The following N4BP2 variants were observed in gnomAD, a reference collection of about 807,000 sequenced individuals.
N4BP2 encodes the protein NEDD4-binding protein 2.
N4BP2 carries 91 observed loss-of-function variants against 152.8 expected under a neutral mutation model. The observed-to-expected ratio is 0.60, with a 90% confidence interval of 0.50 to 0.71. The LOEUF is 0.71. N4BP2 is among the 30% of genes least tolerant of loss of function. The pLI is 0.00. For synonymous variants in N4BP2, 646 were observed against 705.3 expected (o/e 0.92, Z 1.33); for missense variants, 1,923 against 2,059.1 (o/e 0.93, Z 1.28).
At chr4:40,130,920 G>A (rs1718850722) in intron 12 of N4BP2, among the ~76,000 whole-genome samples, 2 of 152,182 alleles carry the variant, frequency 1.3e-5, no homozygotes, top group South Asian at 4.1e-4. Flanking sequence ...AATTAAAATA[G>A]CATATTTTTA....
chr4:40,139,549 TGGCGCGATCTC>T (rs1450328185), intron 14 of N4BP2, among the ~76,000 whole-genome samples: 1 of 149,002 alleles, frequency 6.7e-6, no homozygotes, highest in African/African-American at 2.5e-5. Context: ...TGGAGTGCAG[TGGCGCGATCTC>T]GGCTCACTGC....
intron 16 of N4BP2, among the ~76,000 whole-genome samples, chr4:40,145,585 C>T (rs1720439457): frequency 6.6e-6 from 1 of 152,058 alleles, no homozygotes; most frequent in South Asian, 2.1e-4. Context: ...AAAAGAGAAA[C>T]TTTAAGAGCC....
Position 40,121,157 on chromosome 4 carries a change from C to T in N4BP2, c.3046C>T (p.Gln1016Ter). The change falls in exon 9 of 18, where the codon CAG becomes TAG. Residue 1016 changes from glutamine (Q) to a stop codon, truncating the protein, a stop_gained. Coordinates refer to ENST00000261435, the MANE Select transcript of N4BP2 (RefSeq NM_018177.6). LOFTEE classifies it high-confidence loss of function. ...TGGAAAAGAAGTAGGCATGTGCACC[C>T]AGACTGAACCACAGGATTTTGCTCT... ...DPGKEVGMCT[Q>*]TEPQDFALLW... is the part of the protein sequence containing the mutation. The T allele has an allele frequency of 6.2e-7, 1 of 1,614,072 alleles. No individual in the cohort carries two copies. Among genetic ancestry groups the T allele is most frequent in the Non-Finnish European group, 8.5e-7 (1 of 1,180,026 alleles).
chr4:40,188,013 A>G, the N4BP2 span, among the ~76,000 whole-genome samples: 1 of 152,260 alleles, frequency 6.6e-6, no homozygotes, highest in Admixed American at 6.5e-5. Flanking sequence ...GGCAAAGGAA[A>G]AGGTTTCTTC....
the N4BP2 span, among the ~76,000 whole-genome samples, chr4:40,164,647 G>A: frequency 6.6e-6 from 1 of 152,184 alleles, no homozygotes; most frequent in Non-Finnish European, 1.5e-5. Context: ...CAAGACTGGA[G>A]AGACGAGATA....
chr4:40,151,039 C>T (rs568700622), intron 16 of N4BP2, among the ~76,000 whole-genome samples: 13 of 152,236 alleles, frequency 8.5e-5, no homozygotes, highest in Admixed American at 5.2e-4. Flanking sequence ...CTTTCTAAGG[C>T]GTTAAACAGC....
Position 40,118,028 on chromosome 4 carries a change from G to A in N4BP2, c.1820+4G>A, listed in dbSNP as rs183110386. ...CTTGTGAGGATAGAAGCACTAGGTAGGTTAAAATGCCTTATGTACAAAATT... is the reference window on the plus strand; with the variant it reads ...CTTGTGAGGATAGAAGCACTAGGTAAGTTAAAATGCCTTATGTACAAAATT... On this transcript the variant is annotated splice_donor_region_variant and intron_variant, in intron 8 of 17. Coordinates refer to ENST00000261435, the MANE Select transcript of N4BP2 (RefSeq NM_018177.6). 3 of 1,547,926 alleles carry A rather than the reference G, an allele frequency of 1.9e-6. No homozygotes were observed. The highest frequency in any genetic ancestry group is 1.3e-5 in the South Asian group (1 of 79,930).
At chr4:40,127,465 T>G (rs572165349) in intron 12 of N4BP2, among the ~76,000 whole-genome samples, 1 of 152,218 alleles carries the variant, frequency 6.6e-6, no homozygotes, top group East Asian at 1.9e-4. Context: ...TCCTCCTGCC[T>G]CAGCTTCCCA....
At chr4:40,088,803 T>C (rs1185456059) in intron 2 of N4BP2, among the ~76,000 whole-genome samples, 3 of 152,192 alleles carry the variant, frequency 2.0e-5, no homozygotes, top group Non-Finnish European at 4.4e-5. Context: ...CCTGACCTCA[T>C]TAGAGTTTTA....
chr4:40,174,463 T>C, the N4BP2 span, among the ~76,000 whole-genome samples: 3 of 152,052 alleles, frequency 2.0e-5, no homozygotes, highest in African/African-American at 7.2e-5. Flanking sequence ...TTACTTACAG[T>C]AGCCAGGATG....
At chr4:40,137,114 G>C in intron 14 of N4BP2, 32 bp downstream of exon 14, 3 of 1,512,676 alleles carry the variant, frequency 2.0e-6, no homozygotes, top group South Asian at 1.3e-5. Context: ...TTCTACAAGG[G>C]TAGATAATTG....
Position 40,121,237 on chromosome 4 carries a change from A to G in N4BP2, c.3126A>G (p.Leu1042=). ...KISISDSIKV[L]TGRLDGFKPK... ...GCATTTCAGATTCTATCAAAGTATT[A>G]ACAGGAAGATTAGATGGATTTAAGC... The change falls in exon 9 of 18, where the codon TTA becomes TTG. Residue 1042 remains leucine, a synonymous_variant. Transcript: ENST00000261435. 6.2e-7 allele frequency: 1 copy of G among 1,613,392 alleles called. No individual in the cohort carries two copies. Among genetic ancestry groups the G allele is most frequent in the East Asian group, 2.2e-5 (1 of 44,892 alleles).
intron 17 of N4BP2, among the ~76,000 whole-genome samples, chr4:40,153,462 G>T (rs1579164842): frequency 6.6e-6 from 1 of 152,286 alleles, no homozygotes; most frequent in Middle Eastern, 3.4e-3. Context: ...TGCCATTAAT[G>T]ACCTGTGTTG....
intron 2 of N4BP2, among the ~76,000 whole-genome samples, chr4:40,081,850 C>T (rs1173258761): frequency 2.6e-5 from 4 of 151,884 alleles, no homozygotes; most frequent in South Asian, 2.1e-4. Context: ...CTGTGGCTCA[C>T]GCCTGTAATC....
At chr4:40,082,098 G>A (rs1713431488) in intron 2 of N4BP2, among the ~76,000 whole-genome samples, 1 of 151,836 alleles carries the variant, frequency 6.6e-6, no homozygotes, top group African/African-American at 2.4e-5. Flanking sequence ...GGCAACGAGC[G>A]AAACTCCATC....
At chr4:40,069,373 G>A (rs1279646822) in intron 1 of N4BP2, among the ~76,000 whole-genome samples, 1 of 152,108 alleles carries the variant, frequency 6.6e-6, no homozygotes, top group African/African-American at 2.4e-5. Context: ...GGGAGGTGGA[G>A]CCAAGATTGC....
At chr4:40,103,958 A>G (rs1259931789) in intron 4 of N4BP2, among the ~76,000 whole-genome samples, 2 of 151,714 alleles carry the variant, frequency 1.3e-5, no homozygotes, top group African/African-American at 4.8e-5. Flanking sequence ...TTTATATGCT[A>G]GTTCTTTTTT....
At chr4:40,131,092 T>TTTG (rs1284151340) in intron 12 of N4BP2, among the ~76,000 whole-genome samples, 1 of 152,210 alleles carries the variant, frequency 6.6e-6, no homozygotes, top group Non-Finnish European at 1.5e-5. Flanking sequence ...TTGCAGCTTG[T>TTTG]TTGTACACTG....
intron 13 of N4BP2, among the ~76,000 whole-genome samples, chr4:40,133,493 G>T (rs748214742): frequency 2.6e-5 from 4 of 151,868 alleles, no homozygotes; most frequent in Non-Finnish European, 5.9e-5. Context: ...ACACCACTAC[G>T]CCTGGCTAAT....
Sources: gnomAD v4.1 joint callset for allele counts (sites outside exome capture counted in the v4.1 genomes callset) on GRCh38, gnomAD v4.1.1 for gene constraint, MANE v1.5 for transcripts, NCBI Gene and HGNC (gene_info 2026-07-23, HGNC 2026-07-21) for gene names.